Variants in ADAM32 observed in about 807,000 individuals in gnomAD.
ADAM32 encodes the protein disintegrin and metalloproteinase domain-containing protein 32.
In ADAM32, 89 loss-of-function variants were observed where a neutral mutation model predicts 114.9. The observed-to-expected ratio is 0.77, with a 90% CI of 0.65 to 0.92. The LOEUF (loss-of-function observed/expected upper bound fraction) is 0.92, where lower values mean the gene tolerates loss of function less well. Among genes scored for constraint, ADAM32 ranks in the 40% least tolerant of loss-of-function variants. ADAM32 has a pLI of 0.00. For missense variants in ADAM32, 870 were observed against 932.8 expected (o/e 0.93, Z 0.88); for synonymous variants, 285 against 307.5 (o/e 0.93, Z 0.77).
At chr8:39,269,984 G>C (rs553651201) in intron 19 of ADAM32, among the ~76,000 whole-genome samples, 8 of 152,260 alleles carry the variant, frequency 5.3e-5, no homozygotes, top group Admixed American at 1.3e-4. Flanking sequence ...GCTGAGCGGA[G>C]GGGCAAGAAC....
chr8:39,184,989 C>T (rs751781145), intron 10 of ADAM32, among the ~76,000 whole-genome samples: 3 of 152,220 alleles, frequency 2.0e-5, no homozygotes, highest in East Asian at 3.9e-4. Flanking sequence ...TGGGGCTGGG[C>T]GTGGTGGCTC....
intron 17 of ADAM32, among the ~76,000 whole-genome samples, chr8:39,253,338 G>A (rs554204742): frequency 6.6e-6 from 1 of 151,742 alleles, no homozygotes; most frequent in East Asian, 1.9e-4. Context: ...GTGAAATAAT[G>A]AACGCCTTTA....
chr8:39,269,745 T>C (rs1812591255), intron 19 of ADAM32, among the ~76,000 whole-genome samples: 1 of 152,238 alleles, frequency 6.6e-6, no homozygotes. Flanking sequence ...CTTTGATGTT[T>C]CCCATGAGAA....
At chr8:39,270,807 C>A in intron 19 of ADAM32, 69 bp from the exon 20 acceptor site, 1 of 1,218,344 alleles carries the variant, frequency 8.2e-7, no homozygotes, top group Non-Finnish European at 1.2e-6. Flanking sequence ...ATAAAATGGA[C>A]TGATTTTAAT....
chr8:39,270,539 TA>T (rs1211812926), intron 19 of ADAM32, among the ~76,000 whole-genome samples: 1 of 152,096 alleles, frequency 6.6e-6, no homozygotes, highest in Non-Finnish European at 1.5e-5. Flanking sequence ...TAAAAATGAA[TA>T]AAAAACCAAA....
rs371557197 is a variant in ADAM32 at position 39,223,199 on chromosome 8, C to T, written c.1486C>T (p.His496Tyr). 36 of 1,597,454 alleles carry T rather than the reference C, an allele frequency of 2.3e-5. No individual in the cohort carries two copies. The highest frequency in any genetic ancestry group is 3.1e-5 in the Non-Finnish European group (36 of 1,172,992). ...NKFICYDGDC[H>Y]DLDARCESVF... ...GTTTATTTGTTATGACGGAGACTGC[C>T]ATGATCTCGATGCACGTTGTGAGAG... is the stretch of plus-strand genomic sequence containing the variant. Residue 496 changes from histidine to tyrosine, a missense_variant, in exon 14 of 25, where the codon CAT becomes TAT. Transcript: ENST00000379907.
chr8:39,241,807 T>C (rs1339435204), intron 16 of ADAM32, among the ~76,000 whole-genome samples: 1 of 152,240 alleles, frequency 6.6e-6, no homozygotes, highest in South Asian at 2.1e-4. Flanking sequence ...ATTTCCCCAT[T>C]GTCTTGGTGA....
At chr8:39,142,688 T>C (rs1405118479) in intron 3 of ADAM32, among the ~76,000 whole-genome samples, 1 of 152,182 alleles carries the variant, frequency 6.6e-6, no homozygotes, top group Non-Finnish European at 1.5e-5. Context: ...GTCTTGGGGT[T>C]GCTCTTCCCG....
chr8:39,136,754 A>G, intron 3 of ADAM32, 36 bp downstream of exon 3: 1 of 1,338,400 alleles, frequency 7.5e-7, no homozygotes, highest in African/African-American at 1.5e-5. Context: ...ATTTTATTTT[A>G]TTTCTATGAA....
intron 10 of ADAM32, among the ~76,000 whole-genome samples, chr8:39,174,881 T>G (rs929007258): frequency 6.6e-6 from 1 of 152,172 alleles, no homozygotes; most frequent in Non-Finnish European, 1.5e-5. Flanking sequence ...TTTGTAGTAC[T>G]CCTTGAAGAG....
intron 11 of ADAM32, among the ~76,000 whole-genome samples, chr8:39,204,629 A>C (rs1434785790): frequency 1.3e-5 from 2 of 152,188 alleles, no homozygotes; most frequent in Admixed American, 6.5e-5. Flanking sequence ...CTCTCAACTC[A>C]TCAAAGTCAT....
At chr8:39,251,147 G>A (rs529977624) in intron 17 of ADAM32, among the ~76,000 whole-genome samples, 25 of 151,892 alleles carry the variant, frequency 1.6e-4, no homozygotes, top group African/African-American at 6.0e-4. Context: ...AATGCAGATA[G>A]CATTTTGAAG....
At chr8:39,163,626 A>G (rs1476633072) in intron 7 of ADAM32, among the ~76,000 whole-genome samples, 1 of 152,238 alleles carries the variant, frequency 6.6e-6, no homozygotes, top group Non-Finnish European at 1.5e-5. Flanking sequence ...TAACAAATTC[A>G]TTGAGCATCA....
At chr8:39,262,686 A>C (rs1192733362) in intron 19 of ADAM32, among the ~76,000 whole-genome samples, 72 of 112,530 alleles carry the variant, frequency 6.4e-4, no homozygotes, top group African/African-American at 9.0e-4. Flanking sequence ...TCTCTCTTTC[A>C]CTCCCTCTCT....
chr8:39,276,028 C>A lies in ADAM32; in HGVS notation c.2279+162C>A, dbSNP rs116992852. On this transcript the variant is annotated intron_variant, in intron 22 of 24. Coordinates refer to ENST00000379907, the MANE Select transcript of ADAM32 (RefSeq NM_145004.7). ...ACCTATTTGCTGATCTAGTAACTTG[C>A]GAGTATTTGTCTAAATAAGACAATA... 243 of 517,544 alleles carry A rather than the reference C, an allele frequency of 4.7e-4. 1 individual carries two copies. The East Asian group carries it at 7.1e-3, about 15-fold the overall frequency. 32.1% of individuals were successfully genotyped at this position (517,544 alleles called of 1,614,324 possible).
At chr8:39,283,544 G>A (rs776826829) in intron 23 of ADAM32, 42 bp from the exon 24 acceptor site, 63 of 1,482,106 alleles carry the variant, frequency 4.3e-5, no homozygotes, top group Non-Finnish European at 5.6e-5. Flanking sequence ...TTGACAGGTT[G>A]TATTATATCA....
chr8:39,233,243 T>TA (rs1289882877), intron 15 of ADAM32, among the ~76,000 whole-genome samples: 1 of 152,202 alleles, frequency 6.6e-6, no homozygotes, highest in Non-Finnish European at 1.5e-5. Context: ...CTCAGCTGCT[T>TA]ACACTTATTG....
chr8:39,254,038 T>A (rs971182207), intron 17 of ADAM32, among the ~76,000 whole-genome samples: 2 of 151,562 alleles, frequency 1.3e-5, no homozygotes, highest in Non-Finnish European at 3.0e-5. Flanking sequence ...TAGAGACATA[T>A]AAAGCGATGG....
intron 11 of ADAM32, among the ~76,000 whole-genome samples, chr8:39,203,259 G>T (rs1807563540): frequency 6.6e-6 from 1 of 152,104 alleles, no homozygotes; most frequent in Admixed American, 6.6e-5. Context: ...ATTATTGTGT[G>T]GGAGTCTAAG....
Sources: allele counts gnomAD v4.1 joint callset (sites outside exome capture counted in the v4.1 genomes callset), GRCh38; gene constraint gnomAD v4.1.1; transcripts MANE v1.5; gene names NCBI Gene and HGNC (gene_info 2026-07-23, HGNC 2026-07-21).